KATNAL2: variants seen among roughly 807,000 people sequenced by gnomAD.
KATNAL2 encodes katanin p60 ATPase-containing subunit A-like 2.
A neutral mutation model predicts 76.3 loss-of-function variants in KATNAL2; 52 were observed. The ratio of observed to expected loss-of-function variants is 0.68; its 90% CI spans 0.55 to 0.86. KATNAL2 has a LOEUF of 0.86. Among genes scored for constraint, KATNAL2 ranks in the 40% least tolerant of loss-of-function variants. The probability of loss-of-function intolerance (pLI) is 0.00; values close to 1 mark genes in which losing one functional copy is unlikely to be tolerated. For synonymous variants in KATNAL2, 243 were observed against 244.2 expected, an observed-to-expected ratio of 1.00 and a Z score of 0.05; for missense variants, 660 against 668.9, an observed-to-expected ratio of 0.99 and a Z score of 0.15.
chr18:47,034,290 TG>T, intron 3 of KATNAL2: 1 of 1,613,724 alleles, frequency 6.2e-7, no homozygotes, highest in Non-Finnish European at 8.5e-7. Flanking sequence ...TCCCATTTCC[TG>T]GGTCCCGGCC....
At chr18:46,943,995 T>A (rs147452883) in intron 1 of KATNAL2, among the ~76,000 whole-genome samples, 20 of 152,368 alleles carry the variant, frequency 1.3e-4, no homozygotes, top group African/African-American at 3.6e-4. Context: ...TGATGCCTAT[T>A]GTCTTATTTG....
intron 4 of KATNAL2, 138 bp from the exon 5 acceptor site, chr18:47,052,742 T>G: frequency 1.8e-6 from 1 of 570,816 alleles, no homozygotes; most frequent in Non-Finnish European, 2.9e-6. Context: ...AAACCTCCTA[T>G]GCACATACTA....
intron 3 of KATNAL2, chr18:47,032,987 A>T: frequency 6.2e-7 from 1 of 1,613,996 alleles, no homozygotes; most frequent in Non-Finnish European, 8.5e-7. Flanking sequence ...TTTTATCTGC[A>T]AGGCAAGTCC....
chr18:46,917,757 G>T lies in KATNAL2; in HGVS notation c.-679G>T. On this transcript the variant is annotated 5_prime_UTR_variant, in exon 1 of 18. Coordinates refer to ENST00000683218, the MANE Select transcript of KATNAL2 (RefSeq NM_001387690.1). ...AACTGAGGCGTTATCCGCGGGCCTG[G>T]CCTCGGGAAGTGGCGGGGAGGAAGA... 5.5e-6 allele frequency: 1 copy of T among 181,268 alleles called. No individual in the cohort carries two copies. The highest frequency in any genetic ancestry group is 1.1e-5 in the Non-Finnish European group (1 of 94,376). The allele number at this position is 181,268 out of a possible 1,614,324, so 11.2% of individuals were successfully genotyped here. A position where few individuals can be genotyped will look rare whatever the true frequency, so the allele number is the denominator to read the frequency against.
chr18:46,955,197 T>C (rs1217054054), intron 3 of KATNAL2, among the ~76,000 whole-genome samples: 1 of 147,728 alleles, frequency 6.8e-6, no homozygotes, highest in Non-Finnish European at 1.5e-5. Context: ...CTCTCTCTTT[T>C]TCTTTCTCTC....
intron 3 of KATNAL2, chr18:47,033,977 A>G (rs749629441): frequency 3.7e-6 from 6 of 1,613,412 alleles, no homozygotes; most frequent in Non-Finnish European, 5.1e-6. Flanking sequence ...ACAGGAGGCA[A>G]TTTCTTAGCC....
At chr18:46,922,214 C>G (rs146240305) in intron 1 of KATNAL2, among the ~76,000 whole-genome samples, 70 of 151,732 alleles carry the variant, frequency 4.6e-4, no homozygotes, top group Middle Eastern at 3.4e-3. Context: ...GTCTTCGTAC[C>G]TCAGCCTCCC....
chr18:47,069,899 TC>T lies in KATNAL2; in HGVS notation c.1008+300del, dbSNP rs141350152. 2.3e-3 allele frequency among the ~76,000 whole-genome samples: 349 copies of T among 152,294 alleles called. 2 individuals are homozygous for T. The highest frequency in any genetic ancestry group is 7.9e-3 in the African/African-American group (327 of 41,556). On this transcript the variant is annotated intron_variant, in intron 13 of 17. Coordinates refer to ENST00000683218, the MANE Select transcript of KATNAL2 (RefSeq NM_001387690.1). ...AAAATCTCTGACGTGGCATATTTTT[TC>T]TTCATTCAAGAAGTATTTATTATTT...
chr18:47,072,975 C>T (rs2062058637), intron 13 of KATNAL2, among the ~76,000 whole-genome samples: 2 of 152,010 alleles, frequency 1.3e-5, no homozygotes, highest in Non-Finnish European at 2.9e-5. Flanking sequence ...ATGAACAAAG[C>T]TAGAGTGGGC....
chr18:46,940,286 A>G (rs1317908596), intron 1 of KATNAL2, among the ~76,000 whole-genome samples: 1 of 152,202 alleles, frequency 6.6e-6, no homozygotes, highest in East Asian at 1.9e-4. Context: ...TTCAGGGTAA[A>G]TTAGAAAATA....
chr18:47,033,917 C>G (rs747669092), intron 3 of KATNAL2: 1 of 1,613,068 alleles, frequency 6.2e-7, no homozygotes, highest in South Asian at 1.1e-5. Flanking sequence ...GTTTTCGGCC[C>G]GGCGGAATCA....
intron 3 of KATNAL2, among the ~76,000 whole-genome samples, chr18:47,044,517 G>A (rs2061083869): frequency 6.6e-6 from 1 of 152,060 alleles, no homozygotes; most frequent in Admixed American, 6.6e-5. Context: ...CCAGCACTTT[G>A]GGAGGCCGAA....
At chr18:47,037,329 G>A (rs141410741) in intron 3 of KATNAL2, among the ~76,000 whole-genome samples, 72 of 152,214 alleles carry the variant, frequency 4.7e-4, no homozygotes, top group African/African-American at 1.7e-3. Flanking sequence ...TATATTTGTG[G>A]CACAATAGCC....
At chr18:47,041,109 A>C (rs751308594) in intron 3 of KATNAL2, among the ~76,000 whole-genome samples, 14 of 152,196 alleles carry the variant, frequency 9.2e-5, no homozygotes, top group Non-Finnish European at 1.6e-4. Context: ...AAGTATAGAG[A>C]ATTCCCACGT....
At chr18:46,930,697 TC>T (rs1377916032) in intron 1 of KATNAL2, among the ~76,000 whole-genome samples, 1 of 151,132 alleles carries the variant, frequency 6.6e-6, no homozygotes, top group Non-Finnish European at 1.5e-5. Flanking sequence ...CACCTGTAAT[TC>T]CAGCTAGTTG....
chr18:46,955,412 C>T (rs977215745), intron 3 of KATNAL2, among the ~76,000 whole-genome samples: 3 of 150,166 alleles, frequency 2.0e-5, no homozygotes, highest in Admixed American at 6.7e-5. Context: ...TAAGTAGAGA[C>T]GGGGTTTCTT....
intron 15 of KATNAL2, among the ~76,000 whole-genome samples, chr18:47,087,429 T>C (rs771686599): frequency 1.6e-4 from 25 of 152,196 alleles, no homozygotes; most frequent in Admixed American, 8.5e-4. Flanking sequence ...CCATCATCCA[T>C]AGCAAACTAA....
intron 14 of KATNAL2, among the ~76,000 whole-genome samples, chr18:47,077,074 G>A (rs1011621459): frequency 2.0e-5 from 3 of 152,134 alleles, no homozygotes; most frequent in Non-Finnish European, 4.4e-5. Flanking sequence ...TAATCTACCA[G>A]TGGGACTGTG....
At chr18:47,092,071 T>C (rs1226101180) in intron 15 of KATNAL2, among the ~76,000 whole-genome samples, 2 of 150,876 alleles carry the variant, frequency 1.3e-5, no homozygotes, top group African/African-American at 4.8e-5. Flanking sequence ...TGCCTTTAAT[T>C]ACATATAAGG....
Sources: gnomAD v4.1 joint callset for allele counts (sites outside exome capture counted in the v4.1 genomes callset) on GRCh38, gnomAD v4.1.1 for gene constraint, MANE v1.5 for transcripts, NCBI Gene and HGNC (gene_info 2026-07-23, HGNC 2026-07-21) for gene names.